Variants in SEMA3A observed in about 807,000 individuals in gnomAD.
The protein encoded by SEMA3A is semaphorin-3A.
A neutral mutation model predicts 97.9 loss-of-function variants in SEMA3A; 29 were observed. The ratio of observed to expected loss-of-function variants is 0.30; its 90% CI spans 0.22 to 0.40. SEMA3A has a LOEUF of 0.40. SEMA3A is among the 10% of genes least tolerant of loss of function. SEMA3A has a pLI of 1.00. For synonymous variants in SEMA3A, 321 were observed against 323.7 expected (o/e 0.99, Z 0.09); for missense variants, 763 against 951.3 (o/e 0.80, Z 2.60).
intron 1 of SEMA3A, among the ~76,000 whole-genome samples, chr7:84,480,871 A>T (rs1474214589): frequency 6.6e-6 from 1 of 152,160 alleles, no homozygotes; most frequent in African/African-American, 2.4e-5. Context: ...AATTAGTGGG[A>T]AAGAGGGTAG....
intron 2 of SEMA3A, among the ~76,000 whole-genome samples, chr7:84,344,782 C>T (rs540987850): frequency 5.3e-4 from 80 of 152,210 alleles, no homozygotes; most frequent in Non-Finnish European, 8.4e-4. Context: ...GTTCATGTTT[C>T]CATTATCTAG....
chr7:84,060,576 AAAGAG>A lies in SEMA3A; in HGVS notation c.454-23_454-19del, dbSNP rs751167576. On this transcript the variant is annotated intron_variant, in intron 4 of 16. Transcript: ENST00000265362. ...ATATTGTCCTGTGGATTTAAAAAAG[AAAGAG>A]AAAAGGGTTTCCTTTATATATAAAA... 1.7e-5 allele frequency: 25 copies of A among 1,510,944 alleles called. No individual in the cohort carries two copies. The highest frequency in any genetic ancestry group is 2.1e-5 in the Non-Finnish European group (24 of 1,123,688). The allele number at this position is 1,510,944 out of a possible 1,614,324, so 93.6% of individuals were successfully genotyped here. A position where few individuals can be genotyped will look rare whatever the true frequency, so the allele number is the denominator to read the frequency against.
intron 6 of SEMA3A, among the ~76,000 whole-genome samples, chr7:84,014,887 C>A (rs547514993): frequency 1.1e-3 from 163 of 152,160 alleles, no homozygotes; most frequent in Middle Eastern, 3.4e-3. Flanking sequence ...CCTGGCCACC[C>A]TTGAATTCTC....
chr7:84,083,341 T>G (rs764841306), intron 4 of SEMA3A, among the ~76,000 whole-genome samples: 9 of 151,970 alleles, frequency 5.9e-5, no homozygotes, highest in Non-Finnish European at 1.3e-4. Context: ...TTGTACACAT[T>G]GTGGGGTAAA....
At chr7:84,306,064 T>G (rs1286188202) in intron 3 of SEMA3A, among the ~76,000 whole-genome samples, 1 of 151,896 alleles carries the variant, frequency 6.6e-6, no homozygotes, top group Admixed American at 6.6e-5. Context: ...ATATGAGGTA[T>G]ATTTCCCATA....
intron 3 of SEMA3A, among the ~76,000 whole-genome samples, chr7:84,282,384 C>T (rs949270916): frequency 6.6e-6 from 1 of 152,108 alleles, no homozygotes; most frequent in African/African-American, 2.4e-5. Flanking sequence ...GTAAATAAAT[C>T]CATTTTTTAT....
chr7:84,410,270 C>T (rs1364915020), intron 1 of SEMA3A, among the ~76,000 whole-genome samples: 2 of 152,004 alleles, frequency 1.3e-5, no homozygotes, highest in Non-Finnish European at 1.5e-5. Context: ...TATTTATAAA[C>T]ATACACAATA....
chr7:84,103,012 G>C (rs887779791), intron 4 of SEMA3A, among the ~76,000 whole-genome samples: 5 of 151,934 alleles, frequency 3.3e-5, no homozygotes, highest in African/African-American at 1.2e-4. Context: ...TTAAGTACCA[G>C]CAAAATTGGA....
chr7:84,384,353 A>G (rs1803347498), intron 1 of SEMA3A, among the ~76,000 whole-genome samples: 1 of 152,194 alleles, frequency 6.6e-6, no homozygotes, highest in Non-Finnish European at 1.5e-5. Context: ...AAAAATTATC[A>G]TATGTAAGAA....
chr7:84,264,105 T>C (rs894325369), intron 3 of SEMA3A, among the ~76,000 whole-genome samples: 6 of 152,124 alleles, frequency 3.9e-5, no homozygotes, highest in African/African-American at 1.4e-4. Flanking sequence ...ATATATATTT[T>C]TATTTTTTTG....
intron 1 of SEMA3A, among the ~76,000 whole-genome samples, chr7:84,387,424 C>A (rs555112642): frequency 1.3e-5 from 2 of 151,936 alleles, no homozygotes; most frequent in East Asian, 3.9e-4. Context: ...ATTAAATTAG[C>A]GGAAAAGGGA....
intron 12 of SEMA3A, among the ~76,000 whole-genome samples, chr7:83,993,410 T>A (rs1202289815): frequency 6.6e-6 from 1 of 151,770 alleles, no homozygotes; most frequent in African/African-American, 2.4e-5. Context: ...CTTCCTAGTC[T>A]TGATGGTGTT....
At chr7:84,260,791 G>A (rs144168154) in intron 3 of SEMA3A, among the ~76,000 whole-genome samples, 17 of 152,300 alleles carry the variant, frequency 1.1e-4, no homozygotes, top group Middle Eastern at 3.4e-3. Context: ...CAGCCTGTGC[G>A]TCATGGATGA....
intron 1 of SEMA3A, among the ~76,000 whole-genome samples, chr7:84,398,511 T>C (rs1229211792): frequency 1.3e-5 from 2 of 152,086 alleles, no homozygotes; most frequent in East Asian, 1.9e-4. Flanking sequence ...GTAATCCTAG[T>C]ATTTGGGAAG....
At position 83,992,662 on chromosome 7, in the gene SEMA3A, G is replaced by C. The variant is rs1192410444; in HGVS notation, c.1453-7185C>G. 4.0e-5 allele frequency among the ~76,000 whole-genome samples: 6 copies of C among 151,504 alleles called. No individual in the cohort carries two copies. The East Asian group carries it at 1.2e-3, about 30-fold the overall frequency. ...GATTCTTAATCCTGAGTTCTAGTTTGATTGCACTGTGGTCTGAGAGATAGT... is the reference window on the plus strand; with the variant it reads ...GATTCTTAATCCTGAGTTCTAGTTTCATTGCACTGTGGTCTGAGAGATAGT... On this transcript the variant is annotated intron_variant, in intron 12 of 16. Coordinates refer to ENST00000265362, the MANE Select transcript of SEMA3A (RefSeq NM_006080.3).
Position 84,231,885 on chromosome 7 carries a change from A to G in SEMA3A, c.-82-37217T>C, listed in dbSNP as rs533836368. ...CTCTTCCACTTTGGGAAACAGAAAA[A>G]TAACTCCCCCAGAGAGGATACATGG... On this transcript the variant is annotated intron_variant, in intron 3 of 3. Coordinates refer to the SEMA3A transcript ENST00000424555. 3.3e-5 allele frequency among the ~76,000 whole-genome samples: 5 copies of G among 152,028 alleles called. No individual in the cohort carries two copies. The East Asian group carries it at 7.7e-4, about 24-fold the overall frequency.
At chr7:84,197,883 G>T (rs1436515877), upstream of SEMA3A, among the ~76,000 whole-genome samples, 1 of 151,806 alleles carries the variant, frequency 6.6e-6, no homozygotes, top group East Asian at 2.0e-4. Flanking sequence ...GGGACTACAG[G>T]CACACGCCGC....
chr7:84,232,276 T>C (rs1052778956), intron 3 of SEMA3A, among the ~76,000 whole-genome samples: 1 of 147,930 alleles, frequency 6.8e-6, no homozygotes, highest in African/African-American at 2.4e-5. Context: ...TATATTTTAT[T>C]ATATAAATAT....
At chr7:84,160,342 A>G (rs1796992110) in intron 1 of SEMA3A, among the ~76,000 whole-genome samples, 1 of 151,846 alleles carries the variant, frequency 6.6e-6, no homozygotes, top group Non-Finnish European at 1.5e-5. Context: ...ACCTTAAAAT[A>G]ACTCCATAGT....
Sources: gnomAD v4.1 joint callset for allele counts (sites outside exome capture counted in the v4.1 genomes callset) on GRCh38, gnomAD v4.1.1 for gene constraint, MANE v1.5 for transcripts, NCBI Gene and HGNC (gene_info 2026-07-23, HGNC 2026-07-21) for gene names.